CLHC1: variants seen among roughly 807,000 people sequenced by gnomAD.
The protein encoded by CLHC1 is clathrin heavy chain linker domain containing 1.
In CLHC1, 72 loss-of-function variants were observed where a neutral mutation model predicts 69.5. That is an observed-to-expected ratio of 1.04 (90% confidence interval 0.86 to 1.26). The LOEUF (loss-of-function observed/expected upper bound fraction) is 1.26. Ranked by LOEUF, CLHC1 falls within the 50% of genes most tolerant of loss-of-function variation. The probability of loss-of-function intolerance (pLI) is 0.00; values close to 1 mark genes in which losing one functional copy is unlikely to be tolerated. For missense variants in CLHC1, 790 were observed against 679.3 expected (o/e 1.16, Z -1.81); for synonymous variants, 223 against 224.3 (o/e 0.99, Z 0.05).
intron 9 of CLHC1, among the ~76,000 whole-genome samples, chr2:55,189,678 T>A (rs1186768952): frequency 6.6e-6 from 1 of 152,142 alleles, no homozygotes; most frequent in Admixed American, 6.5e-5. Flanking sequence ...GAGAGCTGCC[T>A]AGGGTAAGAG....
intron 2 of CLHC1, among the ~76,000 whole-genome samples, chr2:55,227,740 G>GA (rs1462533055): frequency 2.6e-5 from 4 of 151,834 alleles, no homozygotes; most frequent in Non-Finnish European, 5.9e-5. Flanking sequence ...TATCATTAGA[G>GA]AGGGGGTAGT....
intron 4 of CLHC1, among the ~76,000 whole-genome samples, chr2:55,213,208 A>C (rs977048505): frequency 6.6e-6 from 1 of 152,236 alleles, no homozygotes. Flanking sequence ...GGAAGCCAGA[A>C]ATTCAAAATC....
intron 3 of CLHC1, among the ~76,000 whole-genome samples, chr2:55,219,349 G>A (rs1418306148): frequency 6.6e-6 from 1 of 152,148 alleles, no homozygotes; most frequent in Non-Finnish European, 1.5e-5. Context: ...ATACACTAAA[G>A]TAGAAATATG....
At chr2:55,224,428 C>A in intron 2 of CLHC1, 1 of 432,516 alleles carries the variant, frequency 2.3e-6, no homozygotes, top group Non-Finnish European at 4.7e-6. Context: ...CAAAGGATCC[C>A]TTCACCTCCG....
At position 55,206,279 on chromosome 2, in the gene CLHC1, T is replaced by C; in HGVS notation, c.997A>G (p.Thr333Ala). 6.3e-7 allele frequency: 1 copy of C among 1,578,510 alleles called. No individual in the cohort carries two copies. Among genetic ancestry groups the C allele is most frequent in the Non-Finnish European group, 8.7e-7 (1 of 1,148,160 alleles). The change falls in exon 9 of 13, where the codon ACA (threonine) becomes GCA (alanine). Residue 333 changes from threonine (T) to alanine (A), a missense_variant. Thr to Ala is a moderately conservative substitution (Grantham distance 58, BLOSUM62 0). Coordinates refer to ENST00000401408, the MANE Select transcript of CLHC1 (RefSeq NM_152385.4). Reference protein sequence around the residue: ...RILRNIGTMNTFKAVGKIRGK... With the variant: ...RILRNIGTMNAFKAVGKIRGK... ...AGAGAGAAATGCTTACCCTTAAATG[T>C]ATTCATTGTACCAATGTTTCGAAGA...
chr2:55,228,915 C>T (rs961785154), intron 1 of CLHC1, among the ~76,000 whole-genome samples: 7 of 151,950 alleles, frequency 4.6e-5, no homozygotes, highest in East Asian at 1.9e-4. Context: ...TTTGGAAAGC[C>T]GAGGCAGGTG....
At position 55,209,459 on chromosome 2, in the gene CLHC1, C is replaced by T. The variant is rs758603872; in HGVS notation, c.759G>A (p.Met253Ile). Residue 253 changes from methionine to isoleucine, a missense_variant, in exon 7 of 13, where the codon ATG becomes ATA. Transcript: ENST00000401408. ...QALSSWVKSD[M>I]SSPFQDFVEQ... ...CCACAAAGTCTTGAAATGGGCTGCT[C>T]ATATCAGATTTTACCCATGAACTAA... 5.6e-6 allele frequency: 9 copies of T among 1,612,712 alleles called. No individual in the cohort carries two copies. The East Asian group carries it at 1.1e-4, about 20-fold the overall frequency.
chr2:55,225,124 G>C (rs1159858613), intron 2 of CLHC1: 1 of 153,848 alleles, frequency 6.5e-6, no homozygotes, highest in African/African-American at 2.4e-5. Flanking sequence ...CGAGGCCTAA[G>C]TGAGTGCTGC....
At chr2:55,218,021 A>T in intron 3 of CLHC1, 23 bp from the exon 4 acceptor site, 1 of 1,308,310 alleles carries the variant, frequency 7.6e-7, no homozygotes, top group African/African-American at 1.5e-5. Context: ...TTTTCTGCCT[A>T]TGGTATTGAT....
At chr2:55,203,735 G>C (rs1672179516) in intron 9 of CLHC1, among the ~76,000 whole-genome samples, 1 of 152,148 alleles carries the variant, frequency 6.6e-6, no homozygotes, top group Admixed American at 6.5e-5. Flanking sequence ...AAATTCTCCA[G>C]GACATTGGTC....
At chr2:55,204,985 A>G (rs1021864384) in intron 9 of CLHC1, among the ~76,000 whole-genome samples, 2 of 152,150 alleles carry the variant, frequency 1.3e-5, no homozygotes, top group African/African-American at 4.8e-5. Context: ...GGTTAAAAAA[A>G]ATAGTTAAAT....
At position 55,222,375 on chromosome 2, in the gene CLHC1, G is replaced by A; in HGVS notation, c.37C>T (p.Pro13Ser). ...VHQIRKHAVL[P>S]PIICRSDKEF... ...TTGTCACTTCTACAAATGATAGGTG[G>A]GAGAACTGCATGTTTTCTTATTTGA... The change falls in exon 3 of 13, where the codon CCA (proline) becomes TCA (serine). Residue 13 changes from proline to serine, a missense_variant. By Grantham distance (74) the Pro-to-Ser change is moderately conservative (BLOSUM62 -1). Transcript: ENST00000401408. 1.2e-6 allele frequency: 2 copies of A among 1,613,632 alleles called. No individual in the cohort carries two copies. Among genetic ancestry groups the A allele is most frequent in the Non-Finnish European group, 1.7e-6 (2 of 1,179,880 alleles).
chr2:55,218,040 T>C (rs1273171722), intron 3 of CLHC1, 42 bp from the exon 4 acceptor site: 8 of 1,054,202 alleles, frequency 7.6e-6, no homozygotes, highest in Non-Finnish European at 1.0e-5. Context: ...ATTTTTTTTC[T>C]AGGAGGCTAT....
intron 9 of CLHC1, among the ~76,000 whole-genome samples, chr2:55,186,643 C>T (rs1670441164): frequency 1.3e-5 from 2 of 151,944 alleles, no homozygotes; most frequent in Admixed American, 1.3e-4. Context: ...TATGCCTATA[C>T]TCCCACCAGT....
chr2:55,211,035 T>C (rs1043560021), intron 5 of CLHC1, among the ~76,000 whole-genome samples: 1 of 152,110 alleles, frequency 6.6e-6, no homozygotes, highest in Non-Finnish European at 1.5e-5. Flanking sequence ...TTGTTGACTT[T>C]AGTACATATC....
intron 1 of CLHC1, among the ~76,000 whole-genome samples, chr2:55,231,733 T>A (rs1240297681): frequency 6.6e-6 from 1 of 152,330 alleles, no homozygotes; most frequent in South Asian, 2.1e-4. Flanking sequence ...ACCCCATACA[T>A]ACTCCAAAAA....
At chr2:55,227,406 G>A (rs778913722) in intron 2 of CLHC1, among the ~76,000 whole-genome samples, 39 of 151,972 alleles carry the variant, frequency 2.6e-4, no homozygotes, top group Admixed American at 2.2e-3. Flanking sequence ...ATAACCAGGC[G>A]CGGTGGCTCA....
rs1166310562 is a variant in CLHC1, at chr2:55,204,232, C to T, written c.1006+2038G>A. Among the ~76,000 whole-genome samples, 5 of 152,098 alleles carry T rather than the reference C, an allele frequency of 3.3e-5. No individual in the cohort carries two copies. In the East Asian group the frequency reaches 5.8e-4, roughly 18 times the overall value. On this transcript the variant is annotated intron_variant, in intron 9 of 12. Transcript: ENST00000401408. ...CTGGGAGGCGGAGGTTGTGGTGAGC[C>T]GAGATCACGCCATTGCATTCCAGCC...
At chr2:55,230,011 G>A (rs1389944628) in intron 1 of CLHC1, among the ~76,000 whole-genome samples, 1 of 152,224 alleles carries the variant, frequency 6.6e-6, no homozygotes, top group African/African-American at 2.4e-5. Context: ...AGCAGAGTTT[G>A]CGGTGAGCCA....
Sources: allele counts gnomAD v4.1 joint callset (sites outside exome capture counted in the v4.1 genomes callset), GRCh38; gene constraint gnomAD v4.1.1; transcripts MANE v1.5; gene names NCBI Gene and HGNC (gene_info 2026-07-23, HGNC 2026-07-21).